Variants in FAN1 observed in about 807,000 individuals in gnomAD.
FAN1 encodes FANCD2 and FANCI associated nuclease 1.
A neutral mutation model predicts 104.9 loss-of-function variants in FAN1; 91 were observed. That is an observed-to-expected ratio of 0.87 (90% CI 0.73 to 1.03). The LOEUF (loss-of-function observed/expected upper bound fraction) is 1.03. FAN1 is among the 50% of genes least tolerant of loss of function. FAN1 has a pLI of 0.00. For synonymous variants in FAN1, 478 were observed against 457.6 expected, an observed-to-expected ratio of 1.04 and a Z score of -0.57; for missense variants, 1,263 against 1,239.9, an observed-to-expected ratio of 1.02 and a Z score of -0.28.
chr15:30,929,752 A>ATAAAAT (rs1403457536), intron 12 of FAN1, among the ~76,000 whole-genome samples: 1 of 53,458 alleles, frequency 1.9e-5, no homozygotes, highest in African/African-American at 8.7e-5. Context: ...TATCATATAT[A>ATAAAAT]ATATAATATA....
At chr15:30,904,191 C>T (rs1418252574) in intron 1 of FAN1, among the ~76,000 whole-genome samples, 180 bp downstream of exon 1, 1 of 152,170 alleles carries the variant, frequency 6.6e-6, no homozygotes, top group Non-Finnish European at 1.5e-5. Context: ...CGCTGATCGT[C>T]TCCATCTCAC....
At chr15:30,940,241 G>A in intron 14 of FAN1, 4 of 985,186 alleles carry the variant, frequency 4.1e-6, no homozygotes, top group Non-Finnish European at 4.8e-6. Flanking sequence ...GACCGCTACA[G>A]TGGTAGGTAG....
At chr15:30,911,333 A>G (rs564656167) in intron 4 of FAN1, 21 of 985,030 alleles carry the variant, frequency 2.1e-5, no homozygotes, top group East Asian at 2.3e-4. Context: ...TGTTATTTAT[A>G]TAATCAAACT....
chr15:30,925,099 C>G (rs1380924621), intron 8 of FAN1, 28 bp from the exon 9 acceptor site: 9 of 1,586,488 alleles, frequency 5.7e-6, no homozygotes, highest in Non-Finnish European at 7.7e-6. Flanking sequence ...TTTTTAGGAG[C>G]CTGATGTGTG....
In FAN1 at chr15:30,939,873, A is replaced by G. The variant is rs889910242; in HGVS notation, c.*4-1693A>G. 7 of 985,290 alleles carry G rather than the reference A, an allele frequency of 7.1e-6. No homozygotes were observed. In the African/African-American group the frequency reaches 1.2e-4, roughly 17 times the overall value. 61.0% of individuals were successfully genotyped at this position (985,290 alleles called of 1,614,324 possible). A position where few individuals can be genotyped will look rare whatever the true frequency, so the allele number is the denominator to read the frequency against. On this transcript the variant is annotated intron_variant, in intron 14 of 14. Transcript: ENST00000362065. The stretch of plus-strand genomic sequence containing the variant: ...TTTGTATAAACTGAAACTAGCCCTT[A>G]TTTTCTAGGCAACAAGTTGGCAAAA...
rs1029305214 is a variant in FAN1, at chr15:30,940,629, A to G, written c.*4-937A>G. ...TAGATGGCACTCTCCTGTCTACAGC[A>G]TACACCTCTGTGGAATCAGCACCCC... On this transcript the variant is annotated intron_variant, in intron 14 of 14. Coordinates refer to ENST00000362065, the MANE Select transcript of FAN1 (RefSeq NM_014967.5). 47 of 985,888 alleles carry G rather than the reference A, an allele frequency of 4.8e-5. No homozygotes were observed. In the African/African-American group the frequency reaches 7.5e-4, roughly 16 times the overall value. The allele number at this position is 985,888 out of a possible 1,614,324, so 61.1% of individuals were successfully genotyped here. A position where few individuals can be genotyped will look rare whatever the true frequency, so the allele number is the denominator to read the frequency against.
At chr15:30,932,515 A>G (rs1200546749) in intron 13 of FAN1, among the ~76,000 whole-genome samples, 1 of 152,150 alleles carries the variant, frequency 6.6e-6, no homozygotes, top group Non-Finnish European at 1.5e-5. Context: ...ATTTGATAGA[A>G]TTCCCCAGTG....
At position 30,910,723 on chromosome 15, in the gene FAN1, G is replaced by A. The variant is rs754387832; in HGVS notation, c.1485G>A (p.Gln495=). The A allele has an allele frequency of 1.0e-4, 164 of 1,613,966 alleles. No individual in the cohort carries two copies. The highest frequency in any genetic ancestry group is 1.6e-4 in the Middle Eastern group (1 of 6,084). The part of the protein sequence containing the change: ...HLVNPNGQKQ[Q]LVDAFLKLAK... ...TGAATCCCAATGGACAGAAACAGCA[G>A]CTGGTGGACGCCTTTCTCAAATTGG... is the stretch of plus-strand genomic sequence containing the variant. The change falls in exon 4 of 15, where the codon CAG becomes CAA. Residue 495 remains glutamine, a synonymous_variant. Transcript: ENST00000362065.
In FAN1 at chr15:30,925,819, C is replaced by T. The variant is rs771379346; in HGVS notation, c.2368C>T (p.Arg790Cys). The change falls in exon 10 of 15, where the codon CGT (arginine) becomes TGT (cysteine). Residue 790 changes from arginine (R) to cysteine (C), a missense_variant. Coordinates refer to ENST00000362065, the MANE Select transcript of FAN1 (RefSeq NM_014967.5). ...CATCACAGGCAGGCTGTGCCCACAG[C>T]GTGGGATGTGCAAGTCTGTGTTTGT... ...VTITGRLCPQ[R>C]GMCKSVFVME... The T allele has an allele frequency of 3.7e-6, 6 of 1,614,018 alleles. No individual in the cohort carries two copies. In the African/African-American group the frequency reaches 4.0e-5, roughly 11 times the overall value.
At chr15:30,919,362 G>A (rs139355618) in intron 6 of FAN1, among the ~76,000 whole-genome samples, 1,608 of 117,768 alleles carry the variant, frequency 0.014, 15 homozygotes, top group Middle Eastern at 0.024. Context: ...CCTGGGCCAC[G>A]AGCAAAACTC....
intron 13 of FAN1, among the ~76,000 whole-genome samples, chr15:30,934,425 G>A (rs1455930648): frequency 6.6e-6 from 1 of 152,096 alleles, no homozygotes; most frequent in Admixed American, 6.5e-5. Context: ...TTTGATTATT[G>A]ATATCCTTAG....
At chr15:30,921,137 G>C (rs1284340006) in intron 7 of FAN1, among the ~76,000 whole-genome samples, 1 of 152,180 alleles carries the variant, frequency 6.6e-6, no homozygotes, top group Non-Finnish European at 1.5e-5. Flanking sequence ...GCAGCCCGCT[G>C]TCTCTTGGAT....
chr15:30,924,292 A>C (rs1043181080), intron 8 of FAN1, among the ~76,000 whole-genome samples: 3 of 152,156 alleles, frequency 2.0e-5, no homozygotes, highest in Non-Finnish European at 4.4e-5. Context: ...GCCATTTTGA[A>C]GAATGCTGCA....
chr15:30,940,574 C>T, intron 14 of FAN1: 2 of 985,432 alleles, frequency 2.0e-6, no homozygotes, highest in Non-Finnish European at 2.4e-6. Flanking sequence ...CCCAGCAAGC[C>T]TTGTTTGTTT....
chr15:30,929,553 T>C (rs1160137618), intron 12 of FAN1, among the ~76,000 whole-genome samples, 156 bp downstream of exon 12: 1 of 113,896 alleles, frequency 8.8e-6, no homozygotes, highest in Non-Finnish European at 1.9e-5. Flanking sequence ...ATATATAAAA[T>C]ATATATTATA....
In FAN1 at chr15:30,942,430, G is replaced by A. The variant is rs1595904756; in HGVS notation, c.*868G>A. ...AACAGAGGCAGTCAGGAGGCCAAAT[G>A]TCTGATTCTTTGTTCTGTACCTTTC... On this transcript the variant is annotated 3_prime_UTR_variant, in exon 15 of 15. Coordinates refer to ENST00000362065, the MANE Select transcript of FAN1 (RefSeq NM_014967.5). 2 of 322,082 alleles carry A rather than the reference G, an allele frequency of 6.2e-6. No homozygotes were observed. The highest frequency in any genetic ancestry group is 1.2e-4 in the East Asian group (2 of 16,116). 20.0% of individuals were successfully genotyped at this position (322,082 alleles called of 1,614,324 possible). A position where few individuals can be genotyped will look rare whatever the true frequency, so the allele number is the denominator to read the frequency against.
Position 30,941,805 on chromosome 15 carries a change from C to A in FAN1, c.*243C>A. 6.2e-7 allele frequency: 1 copy of A among 1,613,974 alleles called. No individual in the cohort carries two copies. ...GAGCCACCCAGGCTGATCTGGGCCT[C>A]GGGAACCCAGCGGAAGTAGCACAGT... On this transcript the variant is annotated 3_prime_UTR_variant, in exon 15 of 15. Transcript: ENST00000362065.
At chr15:30,930,794 G>A (rs2062689738) in intron 13 of FAN1, 123 bp downstream of exon 13, 46 of 1,239,878 alleles carry the variant, frequency 3.7e-5, no homozygotes, top group Non-Finnish European at 4.9e-5. Context: ...CTTTTGGGCC[G>A]AGGGCCTGGG....
chr15:30,923,837 TGTG>T (rs2062394824), intron 8 of FAN1, among the ~76,000 whole-genome samples: 1 of 152,234 alleles, frequency 6.6e-6, no homozygotes, highest in East Asian at 1.9e-4. Flanking sequence ...ATGTTTCTAT[TGTG>T]GTAAAATAAA....
Sources: gnomAD v4.1 joint callset for allele counts (sites outside exome capture counted in the v4.1 genomes callset) on GRCh38, gnomAD v4.1.1 for gene constraint, MANE v1.5 for transcripts, NCBI Gene and HGNC (gene_info 2026-07-23, HGNC 2026-07-21) for gene names.